The following JAKMIP2 variants were observed in gnomAD, a reference collection of about 807,000 sequenced individuals.
JAKMIP2 encodes the protein janus kinase and microtubule interacting protein 2.
JAKMIP2 carries 25 observed loss-of-function variants against 115.0 expected under a neutral mutation model. The ratio of observed to expected loss-of-function variants is 0.22; its 90% CI spans 0.16 to 0.30. JAKMIP2 has a LOEUF of 0.30. Among genes scored for constraint, JAKMIP2 ranks in the 10% least tolerant of loss-of-function variants. The probability of loss-of-function intolerance (pLI) is 1.00; values close to 1 mark genes in which losing one functional copy is unlikely to be tolerated. For missense variants in JAKMIP2, 642 were observed against 957.6 expected, an observed-to-expected ratio of 0.67 and a Z score of 4.35; for synonymous variants, 334 against 343.6, an observed-to-expected ratio of 0.97 and a Z score of 0.31.
intron 11 of JAKMIP2, 153 bp from the exon 12 acceptor site, chr5:147,636,437 A>C: frequency 1.6e-6 from 1 of 615,820 alleles, no homozygotes; most frequent in South Asian, 2.0e-5. Context: ...CAGCTCCTTC[A>C]AAGAAATTGG....
chr5:147,770,832 T>G (rs1263626925), intron 1 of JAKMIP2, among the ~76,000 whole-genome samples: 1 of 152,122 alleles, frequency 6.6e-6, no homozygotes, highest in Non-Finnish European at 1.5e-5. Context: ...ATTTAATGCC[T>G]ATTTACATTT....
chr5:147,725,434 C>T (rs1454597373), intron 1 of JAKMIP2, among the ~76,000 whole-genome samples: 2 of 152,120 alleles, frequency 1.3e-5, no homozygotes, highest in South Asian at 2.1e-4. Flanking sequence ...AATTCTTTCT[C>T]GTGCAAGGTC....
Position 147,671,811 on chromosome 5 carries a change from C to A in JAKMIP2, c.-5G>T. 6.4e-7 allele frequency: 1 copy of A among 1,559,138 alleles called. No homozygotes were observed. Among genetic ancestry groups the A allele is most frequent in the South Asian group, 1.2e-5 (1 of 82,396 alleles). On this transcript the variant is annotated 5_prime_UTR_variant, in exon 2 of 22. Transcript: ENST00000616793. Reference sequence around the variant, plus strand: ...ATTTCGCCCTTTCTTGGACATTGTTCCTTTCTAAATGGAGTCTGTTGGTTT... The same window carrying A: ...ATTTCGCCCTTTCTTGGACATTGTTACTTTCTAAATGGAGTCTGTTGGTTT...
chr5:147,716,099 G>T (rs1376866211), intron 1 of JAKMIP2, among the ~76,000 whole-genome samples: 1 of 145,474 alleles, frequency 6.9e-6, no homozygotes, highest in Non-Finnish European at 1.5e-5. Context: ...GCAGTGTTTG[G>T]TTTTTTGTTC....
chr5:147,640,881 G>T (rs1225597407), intron 8 of JAKMIP2, 58 bp from the exon 9 acceptor site: 2 of 1,500,716 alleles, frequency 1.3e-6, no homozygotes, highest in Non-Finnish European at 9.1e-7. Flanking sequence ...AAAGTTGAAC[G>T]TTAAAATACT....
At chr5:147,758,572 G>A (rs1754825528) in intron 1 of JAKMIP2, among the ~76,000 whole-genome samples, 2 of 152,054 alleles carry the variant, frequency 1.3e-5, no homozygotes, top group African/African-American at 4.8e-5. Context: ...AAATAAAACA[G>A]TAAATCACAA....
intron 11 of JAKMIP2, 71 bp downstream of exon 11, chr5:147,636,894 C>A: frequency 1.2e-6 from 1 of 861,552 alleles, no homozygotes; most frequent in Admixed American, 1.7e-5. Flanking sequence ...GCGGCCCATG[C>A]ACAGGTGAGC....
At chr5:147,766,764 T>C (rs529570508) in intron 1 of JAKMIP2, among the ~76,000 whole-genome samples, 1 of 152,254 alleles carries the variant, frequency 6.6e-6, no homozygotes, top group East Asian at 1.9e-4. Flanking sequence ...TTGATTAAAA[T>C]ATCACACATA....
At position 147,660,971 on chromosome 5, in the gene JAKMIP2, A is replaced by C. The variant is rs1455455721; in HGVS notation, c.604T>G (p.Ser202Ala). ...ACCAGCCTCCGAATATCCCGCTCCG[A>C]CTCCCACTTGATCTTCGAGATGGCT... ...QEAISKIKWESERDIRRLMDE... is the reference protein window; with the variant it reads ...QEAISKIKWEAERDIRRLMDE... Residue 202 changes from serine (S) to alanine (A), a missense_variant, in exon 3 of 22, where the codon TCG becomes GCG. Coordinates refer to ENST00000616793, the MANE Select transcript of JAKMIP2 (RefSeq NM_001270941.2). The C allele has an allele frequency of 9.3e-6, 15 of 1,612,014 alleles. No individual in the cohort carries two copies. Among genetic ancestry groups the C allele is most frequent in the Non-Finnish European group, 1.3e-5 (15 of 1,179,448 alleles).
At position 147,611,568 on chromosome 5, in the gene JAKMIP2, A is replaced by G. The variant is rs564000693; in HGVS notation, c.2412+738T>C. ...AACCAGGTACCTCAGTTAGAAATGCAGAAATCACCTGCCTTCTGTGTTGGT... is the reference window on the plus strand; with the variant it reads ...AACCAGGTACCTCAGTTAGAAATGCGGAAATCACCTGCCTTCTGTGTTGGT... On this transcript the variant is annotated intron_variant, in intron 20 of 21. Coordinates refer to ENST00000616793, the MANE Select transcript of JAKMIP2 (RefSeq NM_001270941.2). Among the ~76,000 whole-genome samples the G allele has an allele frequency of 9.2e-5, 14 of 152,326 alleles. No individual in the cohort carries two copies. The South Asian group carries it at 2.7e-3, about 29-fold the overall frequency.
Position 147,702,689 on chromosome 5 carries a change from A to AGGAAG in JAKMIP2, c.-148-30736_-148-30735insCTTCC, listed in dbSNP as rs199842268. ...GAGAGAGAAAGAAAGAGAAAGAAAG[A>AGGAAG]AAAGAAAAGAAAAGAAAAAAAAAGA... On this transcript the variant is annotated intron_variant, in intron 1 of 21. Transcript: ENST00000616793. Among the ~76,000 whole-genome samples the AGGAAG allele has an allele frequency of 2.2e-3, 303 of 139,588 alleles. 6 individuals carry two copies. Among genetic ancestry groups the AGGAAG allele is most frequent in the Non-Finnish European group, 3.1e-3 (204 of 65,266 alleles). 91.6% of individuals were successfully genotyped at this position (139,588 alleles called of 152,430 possible).
At chr5:147,690,537 G>GA (rs1751783097) in intron 1 of JAKMIP2, among the ~76,000 whole-genome samples, 1 of 93,562 alleles carries the variant, frequency 1.1e-5, no homozygotes, top group East Asian at 3.8e-4. Flanking sequence ...AAACTAAAGA[G>GA]ATTATATATA....
intron 3 of JAKMIP2, among the ~76,000 whole-genome samples, chr5:147,656,954 T>C (rs1758707093): frequency 6.6e-6 from 1 of 152,156 alleles, no homozygotes; most frequent in Non-Finnish European, 1.5e-5. Flanking sequence ...TTTGGCTGGA[T>C]ATGAAATTCT....
intron 2 of JAKMIP2, among the ~76,000 whole-genome samples, chr5:147,670,704 T>A (rs1759535127): frequency 6.6e-6 from 1 of 152,222 alleles, no homozygotes. Context: ...TCAATCCTCA[T>A]AAGCACATAA....
intron 3 of JAKMIP2, 93 bp from the exon 4 acceptor site, chr5:147,650,640 T>A: frequency 2.1e-6 from 2 of 934,470 alleles, no homozygotes; most frequent in African/African-American, 1.7e-5. Flanking sequence ...TTTATCTGAT[T>A]GATACAGAAA....
chr5:147,619,312 A>C (rs575978100), intron 18 of JAKMIP2, among the ~76,000 whole-genome samples: 2 of 152,086 alleles, frequency 1.3e-5, no homozygotes, highest in East Asian at 3.9e-4. Context: ...TAGGTAGAAG[A>C]GGCAAGGGTG....
intron 21 of JAKMIP2, chr5:147,595,615 G>A (rs1755339138): frequency 2.2e-6 from 1 of 444,916 alleles, no homozygotes; most frequent in Non-Finnish European, 4.5e-6. Context: ...AATGGACTAA[G>A]ACAGAGAGTT....
intron 1 of JAKMIP2, among the ~76,000 whole-genome samples, chr5:147,775,945 C>G (rs1192803885): frequency 6.6e-6 from 1 of 151,786 alleles, no homozygotes; most frequent in Non-Finnish European, 1.5e-5. Context: ...TCTGTAATTA[C>G]AACTTTTGAT....
intron 1 of JAKMIP2, among the ~76,000 whole-genome samples, chr5:147,723,451 T>C (rs558937656): frequency 1.3e-5 from 2 of 152,284 alleles, no homozygotes; most frequent in South Asian, 4.1e-4. Flanking sequence ...TATTACAATT[T>C]TTTGTTTGGG....
Sources: gnomAD v4.1 joint callset for allele counts (sites outside exome capture counted in the v4.1 genomes callset) on GRCh38, gnomAD v4.1.1 for gene constraint, MANE v1.5 for transcripts, NCBI Gene and HGNC (gene_info 2026-07-23, HGNC 2026-07-21) for gene names.